Variants in TMEM18 observed in about 807,000 individuals in gnomAD.
The protein encoded by TMEM18 is transmembrane protein 18.
TMEM18 carries 14 observed loss-of-function variants against 17.4 expected under a neutral mutation model. The observed-to-expected ratio is 0.80, with a 90% CI of 0.53 to 1.25. TMEM18 has a LOEUF of 1.25. Among genes scored for constraint, TMEM18 ranks in the 50% most tolerant of loss-of-function variants. The pLI is 0.00. For missense variants in TMEM18, 187 were observed against 172.1 expected, an observed-to-expected ratio of 1.09 and a Z score of -0.48; for synonymous variants, 86 against 66.1, an observed-to-expected ratio of 1.30 and a Z score of -1.46.
intron 3 of TMEM18, among the ~76,000 whole-genome samples, chr2:671,282 TGG>T (rs1286026577): frequency 6.6e-6 from 1 of 152,084 alleles, no homozygotes; most frequent in Non-Finnish European, 1.5e-5. Context: ...GAGCTGGGTG[TGG>T]GAGGGCTTCG....
intron 3 of TMEM18, among the ~76,000 whole-genome samples, chr2:671,414 G>A (rs1384104534): frequency 7.1e-6 from 1 of 140,018 alleles, no homozygotes; most frequent in African/African-American, 2.8e-5. Flanking sequence ...GGTCCTCCTG[G>A]GACTGAACCA....
In TMEM18 at chr2:675,510, C is replaced by T; in HGVS notation, c.178G>A (p.Val60Ile). 1 of 1,614,216 alleles carries T rather than the reference C, an allele frequency of 6.2e-7. No homozygotes were observed. Among genetic ancestry groups the T allele is most frequent in the East Asian group, 2.2e-5 (1 of 44,888 alleles). ...RLQIGHFLCL[V>I]ILVYCAEYIN... The stretch of plus-strand genomic sequence containing the variant: ...GTGGAGTTTGTGTTGTTTTACTCAC[C>T]TAGACACAGAAAGTGCCCGATCTGT... The change falls in exon 2 of 5, where the codon GTC becomes ATC. Residue 60 changes from valine (V) to isoleucine (I), a missense_variant and splice_region_variant. Coordinates refer to ENST00000281017, the MANE Select transcript of TMEM18 (RefSeq NM_152834.4).
At chr2:673,482 C>G (rs946136729) in intron 2 of TMEM18, among the ~76,000 whole-genome samples, 8 of 152,166 alleles carry the variant, frequency 5.3e-5, no homozygotes, top group Non-Finnish European at 1.0e-4. Flanking sequence ...TGCTGGTACT[C>G]AAACCCATGA....
At chr2:670,075 C>T (rs2103090234) in intron 3 of TMEM18, 1 of 514,724 alleles carries the variant, frequency 1.9e-6, no homozygotes, top group Admixed American at 3.6e-5. Context: ...GACAGGGAGA[C>T]ACCACCCAGC....
At position 664,390 on chromosome 2, in the gene TMEM18, A is replaced by T. The variant is rs6747133; in HGVS notation, c.*5190T>A. ...GCCAAACTACAGACTAGTAACACAT[A>T]TTTCTGCCCTATATGTGTTACCAAT... On this transcript the variant is annotated 3_prime_UTR_variant, in exon 5 of 5. Transcript: ENST00000281017. 5.1e-3 allele frequency among the ~76,000 whole-genome samples: 781 copies of T among 152,348 alleles called. 7 individuals carry two copies. Among genetic ancestry groups the T allele is most frequent in the African/African-American group, 0.018 (747 of 41,594 alleles).
At chr2:673,241 C>T (rs1426345311) in intron 2 of TMEM18, among the ~76,000 whole-genome samples, 2 of 152,204 alleles carry the variant, frequency 1.3e-5, no homozygotes, top group African/African-American at 2.4e-5. Flanking sequence ...CTGAGAGCCA[C>T]GAGACCCAGA....
intron 1 of TMEM18, 147 bp downstream of exon 1, chr2:677,142 A>T: frequency 9.7e-7 from 1 of 1,031,876 alleles, no homozygotes; most frequent in Non-Finnish European, 1.4e-6. Context: ...CACAGGTCTC[A>T]GGACCCTGCC....
intron 3 of TMEM18, among the ~76,000 whole-genome samples, 200 bp downstream of exon 3, chr2:672,608 G>A (rs762757082): frequency 2.6e-5 from 4 of 152,248 alleles, no homozygotes; most frequent in Non-Finnish European, 4.4e-5. Context: ...ACAGTGCCAC[G>A]CTCAGAAAGG....
chr2:676,179 G>C, intron 1 of TMEM18: 1 of 1,346,066 alleles, frequency 7.4e-7, no homozygotes, highest in Non-Finnish European at 9.8e-7. Flanking sequence ...GCAATACACT[G>C]AACTCTCCAG....
rs1678676101 is a variant in TMEM18 at position 665,912 on chromosome 2, C to T, written c.*3668G>A. On this transcript the variant is annotated 3_prime_UTR_variant, in exon 5 of 5. Transcript: ENST00000281017. ...ACAACAGGACTCATGGAGGCAGTCA[C>T]CCAGCTCACTCAGATGGAGTGTTAA... is the stretch of plus-strand genomic sequence containing the variant. Among the ~76,000 whole-genome samples, 1 of 152,088 alleles carries T rather than the reference C, an allele frequency of 6.6e-6. No individual in the cohort carries two copies. Among genetic ancestry groups the T allele is most frequent in the African/African-American group, 2.4e-5 (1 of 41,378 alleles).
At chr2:673,456 G>A (rs933845888) in intron 2 of TMEM18, among the ~76,000 whole-genome samples, 2 of 152,132 alleles carry the variant, frequency 1.3e-5, no homozygotes, top group Non-Finnish European at 2.9e-5. Context: ...AGGGTCTTCA[G>A]CTAATTCGTG....
At position 676,183 on chromosome 2, in the gene TMEM18, T is replaced by A. The variant is rs1259868252; in HGVS notation, c.58-553A>T. 3.0e-6 allele frequency: 4 copies of A among 1,348,520 alleles called. No homozygotes were observed. In the African/African-American group the frequency reaches 5.9e-5, roughly 20 times the overall value. 83.5% of individuals were successfully genotyped at this position (1,348,520 alleles called of 1,614,324 possible). ...CCAACCTCTCTGCAATACACTGAAC[T>A]CTCCAGACAGTGCCGCACTCCGCCG... is the stretch of plus-strand genomic sequence containing the variant. On this transcript the variant is annotated intron_variant, in intron 1 of 4. Transcript: ENST00000281017.
intron 1 of TMEM18, 109 bp downstream of exon 1, chr2:677,180 C>T (rs1184095725): frequency 2.8e-6 from 4 of 1,410,082 alleles, no homozygotes; most frequent in Non-Finnish European, 1.9e-6. Flanking sequence ...CACAAGGCCC[C>T]GCCCACGGCC....
At chr2:675,957 T>A in intron 1 of TMEM18, 1 of 1,349,220 alleles carries the variant, frequency 7.4e-7, no homozygotes, top group East Asian at 4.1e-5. Context: ...AAGGTGGGTA[T>A]AATTAAAGGA....
In TMEM18 at chr2:675,583, G is replaced by A. The variant is rs748173019; in HGVS notation, c.105C>T (p.His35=). The change falls in exon 2 of 5, where the codon CAC becomes CAT. Residue 35 remains histidine (H), a synonymous_variant. Coordinates refer to ENST00000281017, the MANE Select transcript of TMEM18 (RefSeq NM_152834.4). ...AGCAGGTGAGGAGCACGCAGAGCGCGTGGAAGGTGGCCAGCCCCATGAGCC... is the reference window on the plus strand; with the variant it reads ...AGCAGGTGAGGAGCACGCAGAGCGCATGGAAGGTGGCCAGCCCCATGAGCC... ...EPWLMGLATF[H]ALCVLLTCLS... 1.5e-5 allele frequency: 25 copies of A among 1,614,120 alleles called. No individual in the cohort carries two copies. The Admixed American group carries it at 2.0e-4, about 13-fold the overall frequency.
intron 2 of TMEM18, among the ~76,000 whole-genome samples, chr2:673,413 T>A (rs988256004): frequency 2.0e-5 from 3 of 151,934 alleles, no homozygotes; most frequent in African/African-American, 7.2e-5. Context: ...GCCTCCATGC[T>A]CCCAGGAGCA....
At chr2:676,822 A>C in intron 1 of TMEM18, 1 of 643,858 alleles carries the variant, frequency 1.6e-6, no homozygotes, top group Non-Finnish European at 2.7e-6. Context: ...CCCCGCCCGC[A>C]AGACGCTGGA....
In TMEM18 at chr2:669,470, T is replaced by C. The variant is rs1043141177; in HGVS notation, c.*110A>G. 9.6e-6 allele frequency: 11 copies of C among 1,151,428 alleles called. No individual in the cohort carries two copies. In the Admixed American group the frequency reaches 1.9e-4, roughly 20 times the overall value. The allele number at this position is 1,151,428 out of a possible 1,614,324, so 71.3% of individuals were successfully genotyped here. A position where few individuals can be genotyped will look rare whatever the true frequency, so the allele number is the denominator to read the frequency against. On this transcript the variant is annotated 3_prime_UTR_variant, in exon 5 of 5. Transcript: ENST00000281017. ...TGTGGATATTTAAATAAAACAACGG[T>C]TTTTCAAACCATGAGTCAGCTGGAA...
rs1678742889 is a variant in TMEM18, at chr2:668,156, A to AAG, written c.*1423_*1424insCT. ...CAGATCTTGTGAGAACTCCCTCTCT[A>AAG]TTATGATAACAACATAGGGGAAACC... On this transcript the variant is annotated 3_prime_UTR_variant, in exon 5 of 5. Transcript: ENST00000281017. 1 of 152,184 alleles carries AAG rather than the reference A, an allele frequency of 6.6e-6. No homozygotes were observed. The highest frequency in any genetic ancestry group is 2.1e-4 in the South Asian group (1 of 4,824). The allele number at this position is 152,184 out of a possible 1,614,324, so 9.4% of individuals were successfully genotyped here.
Sources: allele counts gnomAD v4.1 joint callset (sites outside exome capture counted in the v4.1 genomes callset), GRCh38; gene constraint gnomAD v4.1.1; transcripts MANE v1.5; gene names NCBI Gene and HGNC (gene_info 2026-07-23, HGNC 2026-07-21).